The following ANKFN1 variants were observed in gnomAD, a reference collection of about 807,000 sequenced individuals.
ANKFN1 encodes the protein ankyrin repeat and fibronectin type III domain containing 1.
In ANKFN1, 74 loss-of-function variants were observed where a neutral mutation model predicts 108.7. That is an observed-to-expected ratio of 0.68 (90% CI 0.56 to 0.83). The LOEUF (loss-of-function observed/expected upper bound fraction) is 0.83, where lower values mean the gene tolerates loss of function less well. Among genes scored for constraint, ANKFN1 ranks in the 40% least tolerant of loss-of-function variants. The pLI, the probability that ANKFN1 is intolerant of heterozygous loss-of-function variation, is 0.00. For missense variants in ANKFN1, 1,505 were observed against 1,382.3 expected (o/e 1.09, Z -1.41); for synonymous variants, 547 against 516.2 (o/e 1.06, Z -0.81).
chr17:56,134,834 T>G (rs1473961831), intron 4 of ANKFN1, among the ~76,000 whole-genome samples: 6 of 152,222 alleles, frequency 3.9e-5, no homozygotes, highest in Non-Finnish European at 8.8e-5. Context: ...TCTTTCTACC[T>G]CCATCTCAAT....
At chr17:56,467,897 CAT>C (rs2050186841) in intron 15 of ANKFN1, among the ~76,000 whole-genome samples, 1 of 152,112 alleles carries the variant, frequency 6.6e-6, no homozygotes, top group African/African-American at 2.4e-5. Flanking sequence ...GGTTAAATGA[CAT>C]AGAGCTACAC....
intron 8 of ANKFN1, among the ~76,000 whole-genome samples, chr17:56,407,341 G>C (rs2047952119): frequency 6.6e-6 from 1 of 152,166 alleles, no homozygotes; most frequent in Non-Finnish European, 1.5e-5. Context: ...TGTTTTATAT[G>C]TGTTATATCA....
chr17:56,174,322 T>A (rs1316291362), intron 1 of ANKFN1: 1 of 985,468 alleles, frequency 1.0e-6, no homozygotes, highest in Non-Finnish European at 1.2e-6. Flanking sequence ...CTGGAGCTGA[T>A]GCCACCTGGA....
At chr17:56,298,028 A>G (rs1436095259) in intron 3 of ANKFN1, among the ~76,000 whole-genome samples, 1 of 152,198 alleles carries the variant, frequency 6.6e-6, no homozygotes, top group East Asian at 1.9e-4. Context: ...CGGTCCATGG[A>G]CTAGAAGCAG....
At chr17:56,257,368 T>C (rs1370916403) in intron 3 of ANKFN1, among the ~76,000 whole-genome samples, 1 of 152,186 alleles carries the variant, frequency 6.6e-6, no homozygotes, top group Non-Finnish European at 1.5e-5. Flanking sequence ...CTGCAAACAA[T>C]AGAGCCACAT....
At chr17:56,438,488 T>G (rs1481819456) in intron 8 of ANKFN1, among the ~76,000 whole-genome samples, 8 of 152,224 alleles carry the variant, frequency 5.3e-5, no homozygotes. Flanking sequence ...GCAACTGGAC[T>G]CTATGAAAAG....
chr17:56,408,297 T>C (rs371354569), intron 8 of ANKFN1, among the ~76,000 whole-genome samples: 1 of 152,212 alleles, frequency 6.6e-6, no homozygotes, highest in East Asian at 1.9e-4. Flanking sequence ...GGTGTCTCTT[T>C]GAATATTATC....
intron 4 of ANKFN1, among the ~76,000 whole-genome samples, chr17:56,116,198 T>C (rs1356185978): frequency 6.6e-6 from 1 of 152,164 alleles, no homozygotes; most frequent in East Asian, 1.9e-4. Context: ...TGTTTTTACA[T>C]ATGTCTCCTC....
At position 56,408,488 on chromosome 17, in the gene ANKFN1, G is replaced by A. The variant is rs115584614; in HGVS notation, c.911-31839G>A. ...GTGAAAATGGTGGACGCTCTTATGCGGACCCACCAGGGATACACTCTGAAT... is the reference window on the plus strand; with the variant it reads ...GTGAAAATGGTGGACGCTCTTATGCAGACCCACCAGGGATACACTCTGAAT... On this transcript the variant is annotated intron_variant, in intron 8 of 20. Coordinates refer to ENST00000682825, the MANE Select transcript of ANKFN1 (RefSeq NM_001370326.1). Among the ~76,000 whole-genome samples the A allele has an allele frequency of 5.2e-3, 786 of 151,940 alleles. 5 individuals carry two copies. Among genetic ancestry groups the A allele is most frequent in the African/African-American group, 0.018 (729 of 41,422 alleles).
At chr17:56,425,939 G>C (rs965127146) in intron 8 of ANKFN1, among the ~76,000 whole-genome samples, 12 of 152,170 alleles carry the variant, frequency 7.9e-5, no homozygotes, top group Non-Finnish European at 1.0e-4. Flanking sequence ...GTCCCTAGAA[G>C]GGTGTCAGTT....
At chr17:56,508,296 G>C (rs150842565) in intron 20 of ANKFN1, among the ~76,000 whole-genome samples, 115 of 152,148 alleles carry the variant, frequency 7.6e-4, no homozygotes, top group Non-Finnish European at 1.1e-3. Context: ...TACAAAATAA[G>C]GTACAAACTC....
chr17:56,136,603 C>G (rs1232080887), intron 4 of ANKFN1, among the ~76,000 whole-genome samples: 2 of 152,200 alleles, frequency 1.3e-5, no homozygotes, highest in African/African-American at 4.8e-5. Flanking sequence ...GATGCTATAT[C>G]TGACATAGCA....
rs557111074 is a variant in ANKFN1, at chr17:56,306,959, C to T, written c.54-19262C>T. 3.5e-4 allele frequency among the ~76,000 whole-genome samples: 53 copies of T among 152,232 alleles called. 2 individuals carry two copies. Among genetic ancestry groups the T allele is most frequent in the Admixed American group, 3.2e-3 (49 of 15,284 alleles). On this transcript the variant is annotated intron_variant, in intron 3 of 20. Coordinates refer to ENST00000682825, the MANE Select transcript of ANKFN1 (RefSeq NM_001370326.1). The stretch of plus-strand genomic sequence containing the variant: ...ACCATCTGATCTTTGACAAACCTGA[C>T]AAAAACAAGAAATGGGGAAACGATT...
intron 4 of ANKFN1, among the ~76,000 whole-genome samples, chr17:56,108,783 G>A (rs1192749414): frequency 6.6e-6 from 1 of 152,114 alleles, no homozygotes; most frequent in East Asian, 1.9e-4. Flanking sequence ...GGAAGTATGG[G>A]GAACAAAAGC....
intron 4 of ANKFN1, among the ~76,000 whole-genome samples, chr17:56,140,829 A>G (rs1306100917): frequency 1.3e-5 from 2 of 152,296 alleles, no homozygotes; most frequent in East Asian, 1.9e-4. Context: ...CACTACTAAT[A>G]TATCATAGAT....
chr17:56,068,470 C>T (rs2143129961), intron 4 of ANKFN1, among the ~76,000 whole-genome samples: 1 of 152,284 alleles, frequency 6.6e-6, no homozygotes, highest in African/African-American at 2.4e-5. Flanking sequence ...GTCCCTCTTA[C>T]ATCTTCTCAT....
chr17:56,366,165 T>A (rs574778495), intron 6 of ANKFN1, among the ~76,000 whole-genome samples: 47 of 152,220 alleles, frequency 3.1e-4, no homozygotes, highest in East Asian at 1.5e-3. Context: ...CAGTTTAAAA[T>A]TTTTTTTAAT....
rs749512570 is a variant in ANKFN1, at chr17:56,374,683, C to T, written c.879C>T (p.Ser293=). ...SLTVSFQEPL[S]VNAAVVTRYK... ...CTGTCAGCTTCCAAGAGCCTCTTAG[C>T]GTCAATGCAGCTGTAGTAACCAGGT... The change falls in exon 8 of 21, where the codon AGC becomes AGT. Residue 293 remains serine, a synonymous_variant. Coordinates refer to ENST00000682825, the MANE Select transcript of ANKFN1 (RefSeq NM_001370326.1). The T allele has an allele frequency of 3.6e-5, 58 of 1,613,620 alleles. No individual in the cohort carries two copies. In the Middle Eastern group the frequency reaches 6.6e-4, roughly 18 times the overall value.
intron 3 of ANKFN1, among the ~76,000 whole-genome samples, chr17:56,276,372 C>T (rs527350956): frequency 1.2e-4 from 18 of 152,184 alleles, no homozygotes; most frequent in Non-Finnish European, 1.9e-4. Flanking sequence ...TACCCAGTAA[C>T]GGGATCGCTG....
Sources: gnomAD v4.1 joint callset for allele counts (sites outside exome capture counted in the v4.1 genomes callset) on GRCh38, gnomAD v4.1.1 for gene constraint, MANE v1.5 for transcripts, NCBI Gene and HGNC (gene_info 2026-07-23, HGNC 2026-07-21) for gene names.